Variants in GPC4 observed in about 807,000 individuals in gnomAD.
GPC4 encodes glypican-4.
A neutral mutation model predicts 35.0 loss-of-function variants in GPC4; 10 were observed. The observed-to-expected ratio is 0.29, with a 90% CI of 0.18 to 0.48. The LOEUF is 0.48. Among genes scored for constraint, GPC4 ranks in the 20% least tolerant of loss-of-function variants. The pLI is 0.99. For synonymous variants in GPC4, 167 were observed against 170.2 expected, an observed-to-expected ratio of 0.98 and a Z score of 0.15; for missense variants, 322 against 451.3, an observed-to-expected ratio of 0.71 and a Z score of 2.60.
chrX:133,404,793 AG>A (rs2068779819), intron 1 of GPC4, among the ~76,000 whole-genome samples: 1 of 102,134 alleles, frequency 9.8e-6, no homozygotes, highest in East Asian at 3.3e-4. Flanking sequence ...CAGAGGTTGC[AG>A]TGAGCAGAGA....
Position 133,306,168 on chromosome X carries a change from TG to T in GPC4, c.878-15del. 1.7e-6 allele frequency: 2 copies of T among 1,210,586 alleles called. No homozygotes were observed. The highest frequency in any genetic ancestry group is 2.2e-6 in the Non-Finnish European group (2 of 894,606). The stretch of plus-strand genomic sequence containing the variant: ...TCAGCATAGCATCTAATATGAGGTT[TG>T]GGGAAGAACAATACAGCATAAAAAG... On this transcript the variant is annotated splice_polypyrimidine_tract_variant and intron_variant, in intron 4 of 8. Transcript: ENST00000370828.
intron 3 of GPC4, among the ~76,000 whole-genome samples, chrX:133,311,761 G>A (rs1328397374): frequency 1.8e-5 from 2 of 109,370 alleles, no homozygotes; most frequent in East Asian, 5.9e-4. Context: ...AAATAACTAT[G>A]CAGGGTGAGC....
chrX:133,345,582 G>T (rs181997927), intron 1 of GPC4, among the ~76,000 whole-genome samples: 1 of 112,034 alleles, frequency 8.9e-6, no homozygotes, highest in Non-Finnish European at 1.9e-5. Context: ...GGTGGCCAAC[G>T]GTTCAAACCA....
intron 1 of GPC4, among the ~76,000 whole-genome samples, chrX:133,369,207 C>T (rs1681104218): frequency 8.9e-6 from 1 of 111,775 alleles, no homozygotes; most frequent in East Asian, 2.8e-4. Flanking sequence ...TTACTGCATT[C>T]CTTCATGCAA....
chrX:133,381,982 C>T (rs1185670658), intron 1 of GPC4, among the ~76,000 whole-genome samples: 1 of 111,790 alleles, frequency 8.9e-6, no homozygotes, highest in East Asian at 2.8e-4. Flanking sequence ...TTCAGCAAGC[C>T]CAAGGGAACA....
chrX:133,354,560 A>ATTT (rs1174002540), intron 1 of GPC4, among the ~76,000 whole-genome samples: 68 of 93,696 alleles, frequency 7.3e-4, no homozygotes, highest in African/African-American at 2.6e-3. Flanking sequence ...TTATTTATTT[A>ATTT]TTTATTTATT....
intron 1 of GPC4, among the ~76,000 whole-genome samples, chrX:133,353,776 A>T (rs940953599): frequency 9.0e-6 from 1 of 111,003 alleles, no homozygotes; most frequent in African/African-American, 3.3e-5. Flanking sequence ...AAGACAGTAT[A>T]TATGACCAAG....
intron 1 of GPC4, among the ~76,000 whole-genome samples, chrX:133,345,228 G>A (rs1053250170): frequency 1.8e-5 from 2 of 112,176 alleles, no homozygotes; most frequent in African/African-American, 6.5e-5. Flanking sequence ...TTTTGGTAAA[G>A]ACTCTTGGGA....
At chrX:133,392,485 A>G (rs144422258) in intron 1 of GPC4, among the ~76,000 whole-genome samples, 1 of 107,052 alleles carries the variant, frequency 9.3e-6, no homozygotes, top group Non-Finnish European at 1.9e-5. Context: ...TCAATGACTT[A>G]TCACTCTTGT....
chrX:133,323,905 C>G (rs1412885426), intron 3 of GPC4, among the ~76,000 whole-genome samples: 1 of 111,140 alleles, frequency 9.0e-6, no homozygotes, highest in Admixed American at 9.6e-5. Context: ...CTAAGAATAG[C>G]TACAAAAAAA....
chrX:133,306,209 G>A, intron 4 of GPC4, 55 bp from the exon 5 acceptor site: 1 of 1,172,778 alleles, frequency 8.5e-7, no homozygotes, highest in South Asian at 1.8e-5. Flanking sequence ...TCATTAGTTT[G>A]GCCTTGGGTA....
intron 1 of GPC4, among the ~76,000 whole-genome samples, chrX:133,344,456 CTCAGGT>C (rs1472176482): frequency 9.2e-6 from 1 of 108,842 alleles, no homozygotes; most frequent in East Asian, 2.9e-4. Flanking sequence ...AACTCCCAAC[CTCAGGT>C]AATCTGCCCG....
At chrX:133,356,406 G>A (rs1382263143) in intron 1 of GPC4, among the ~76,000 whole-genome samples, 1 of 111,048 alleles carries the variant, frequency 9.0e-6, no homozygotes, top group African/African-American at 3.3e-5. Flanking sequence ...CACTACACCC[G>A]ACTAATTTTT....
At position 133,316,753 on chromosome X, in the gene GPC4, A is replaced by G. The variant is rs753783172; in HGVS notation, c.712-5330T>C. The stretch of plus-strand genomic sequence containing the variant: ...TGCCGCAGGTGAGAAAAATGATATG[A>G]ATATATGTGTATTACTCATCAGTCC... On this transcript the variant is annotated intron_variant, in intron 3 of 8. Coordinates refer to ENST00000370828, the MANE Select transcript of GPC4 (RefSeq NM_001448.3). Among the ~76,000 whole-genome samples the G allele has an allele frequency of 1.1e-4, 12 of 111,768 alleles. No homozygotes were observed. The South Asian group carries it at 4.5e-3, about 42-fold the overall frequency.
At chrX:133,336,472 T>G (rs767753724) in intron 2 of GPC4, among the ~76,000 whole-genome samples, 1 of 110,732 alleles carries the variant, frequency 9.0e-6, no homozygotes, top group East Asian at 2.9e-4. Context: ...GAGGCAGAGG[T>G]TGCAGTGAGC....
At chrX:133,406,763 A>G (rs1293119909) in intron 1 of GPC4, among the ~76,000 whole-genome samples, 11 of 105,299 alleles carry the variant, frequency 1.0e-4, no homozygotes, top group African/African-American at 3.8e-4. Context: ...AAAAAAAAAA[A>G]AAAAAAGAAA....
intron 1 of GPC4, among the ~76,000 whole-genome samples, chrX:133,359,990 G>A (rs1369998042): frequency 2.7e-5 from 3 of 110,485 alleles, no homozygotes; most frequent in Admixed American, 9.7e-5. Context: ...CCAACTTTAC[G>A]GGAAAGGTGA....
chrX:133,403,437 A>G, intron 1 of GPC4, among the ~76,000 whole-genome samples: 1 of 111,423 alleles, frequency 9.0e-6, no homozygotes, highest in East Asian at 2.8e-4. Context: ...TTATAAGGGC[A>G]CTAATCACAT....
At chrX:133,401,983 A>C (rs1440229841) in intron 1 of GPC4, among the ~76,000 whole-genome samples, 1 of 112,545 alleles carries the variant, frequency 8.9e-6, no homozygotes, top group African/African-American at 3.2e-5. Flanking sequence ...ATCTTAGCAC[A>C]GGGAAATCTT....
Sources: allele counts gnomAD v4.1 joint callset (sites outside exome capture counted in the v4.1 genomes callset), GRCh38; gene constraint gnomAD v4.1.1; transcripts MANE v1.5; gene names NCBI Gene and HGNC (gene_info 2026-07-23, HGNC 2026-07-21).